DENND5B: variants seen among roughly 807,000 people sequenced by gnomAD.
DENND5B encodes DENN domain containing 5B, also known as DENN domain-containing protein 5B.
In DENND5B, 34 loss-of-function variants were observed where a neutral mutation model predicts 140.6. The ratio of observed to expected loss-of-function variants is 0.24; its 90% CI spans 0.18 to 0.32. The LOEUF (loss-of-function observed/expected upper bound fraction) is 0.32, where lower values mean the gene tolerates loss of function less well. Among genes scored for constraint, DENND5B ranks in the 10% least tolerant of loss-of-function variants. The probability of loss-of-function intolerance (pLI) is 1.00; values close to 1 mark genes in which losing one functional copy is unlikely to be tolerated. For synonymous variants in DENND5B, 551 were observed against 562.1 expected, an observed-to-expected ratio of 0.98 and a Z score of 0.28; for missense variants, 1,142 against 1,560.2, an observed-to-expected ratio of 0.73 and a Z score of 4.52.
intron 2 of DENND5B, among the ~76,000 whole-genome samples, chr12:31,480,850 C>T (rs1271048926): frequency 6.6e-6 from 1 of 152,056 alleles, no homozygotes; most frequent in Non-Finnish European, 1.5e-5. Flanking sequence ...GCTTTTTGAT[C>T]TACTAAAGCA....
Position 31,517,246 on chromosome 12 carries a change from T to C in DENND5B, c.128-21327A>G, listed in dbSNP as rs542050854. Among the ~76,000 whole-genome samples the C allele has an allele frequency of 5.3e-5, 8 of 152,342 alleles. No homozygotes were observed. The South Asian group carries it at 1.7e-3, about 32-fold the overall frequency. ...CTACCCCACTACAACCCACGGTGAT[T>C]CCTTTTTTCTCTAAGCCCTACCCAC... On this transcript the variant is annotated intron_variant, in intron 1 of 20. Coordinates refer to ENST00000389082, the MANE Select transcript of DENND5B (RefSeq NM_144973.4).
At chr12:31,520,095 T>C (rs17563276) in intron 1 of DENND5B, among the ~76,000 whole-genome samples, 2,240 of 152,336 alleles carry the variant, frequency 0.015, 30 homozygotes, top group Non-Finnish European at 0.021. Context: ...GTGTTTCAAA[T>C]AAGCTTTTTC....
intron 1 of DENND5B, among the ~76,000 whole-genome samples, chr12:31,527,088 G>A (rs990383700): frequency 2.0e-4 from 30 of 151,874 alleles, no homozygotes; most frequent in African/African-American, 7.2e-4. Context: ...AAGTTACACG[G>A]TATGAGAGAG....
At chr12:31,583,324 A>G (rs1592096569) in intron 1 of DENND5B, among the ~76,000 whole-genome samples, 2 of 138,234 alleles carry the variant, frequency 1.4e-5, no homozygotes, top group Admixed American at 7.4e-5. Flanking sequence ...GAGAGAGAGA[A>G]AAGAATGCCT....
At chr12:31,456,106 G>C (rs1251489724) in intron 4 of DENND5B, among the ~76,000 whole-genome samples, 1 of 152,038 alleles carries the variant, frequency 6.6e-6, no homozygotes, top group Non-Finnish European at 1.5e-5. Flanking sequence ...GAGGTGGGTG[G>C]ATCACTTGAG....
chr12:31,556,429 C>A (rs374429922), intron 1 of DENND5B, among the ~76,000 whole-genome samples: 1 of 152,028 alleles, frequency 6.6e-6, no homozygotes, highest in Admixed American at 6.5e-5. Context: ...CTTGAACTCC[C>A]GACCTCAGCT....
intron 1 of DENND5B, among the ~76,000 whole-genome samples, chr12:31,584,375 T>G (rs145836295): frequency 6.6e-6 from 1 of 152,260 alleles, no homozygotes; most frequent in Non-Finnish European, 1.5e-5. Flanking sequence ...ACAGAGAATT[T>G]AGCTTCACTC....
chr12:31,511,841 T>A (rs577895870), intron 1 of DENND5B, among the ~76,000 whole-genome samples: 2 of 151,580 alleles, frequency 1.3e-5, no homozygotes, highest in Non-Finnish European at 2.9e-5. Context: ...TTGGTAGCTT[T>A]GAAAATGATT....
intron 18 of DENND5B, 70 bp downstream of exon 18, chr12:31,392,544 T>C (rs1941203037): frequency 1.3e-6 from 2 of 1,522,022 alleles, no homozygotes; most frequent in Non-Finnish European, 1.8e-6. Context: ...CACCCCATAT[T>C]GCCTCGTGTA....
chr12:31,475,068 T>C (rs1211983256), intron 3 of DENND5B, among the ~76,000 whole-genome samples: 10 of 152,192 alleles, frequency 6.6e-5, no homozygotes, highest in Non-Finnish European at 2.9e-5. Flanking sequence ...AGCTGTATCA[T>C]CTTGGGCAGA....
chr12:31,416,484 G>T (rs1303781756), intron 11 of DENND5B, among the ~76,000 whole-genome samples: 1 of 151,732 alleles, frequency 6.6e-6, no homozygotes, highest in Non-Finnish European at 1.5e-5. Flanking sequence ...AGCTGGTCTC[G>T]AACTCCTTAA....
chr12:31,426,373 G>A lies in DENND5B; in HGVS notation c.2158C>T (p.Leu720=), dbSNP rs1943235797. The part of the protein sequence containing the change: ...SLGKNLRQPK[L]SDLSPAVIAQ... ...ATAACTGCAGGAGAGAGGTCTGACA[G>A]TTTGGGTTGCCTCAGGTTTTTTCCT... Residue 720 remains leucine, a synonymous_variant, in exon 9 of 21, where the codon CTG becomes TTG. Transcript: ENST00000389082. The A allele has an allele frequency of 1.2e-6, 2 of 1,612,338 alleles. No individual in the cohort carries two copies. Among genetic ancestry groups the A allele is most frequent in the Non-Finnish European group, 1.7e-6 (2 of 1,179,166 alleles).
chr12:31,399,079 G>A (rs1207831440), intron 16 of DENND5B, among the ~76,000 whole-genome samples: 5 of 130,426 alleles, frequency 3.8e-5, no homozygotes, highest in Admixed American at 2.8e-4. Flanking sequence ...CCGAGATTGC[G>A]CCATTGCACT....
At position 31,397,607 on chromosome 12, in the gene DENND5B, T is replaced by C. The variant is rs140156654; in HGVS notation, c.3256+568A>G. The stretch of plus-strand genomic sequence containing the variant: ...ATGGCTATCTGGGAGTACTGTAATA[T>C]ATAACTATTATTATTTCTCTTTTAA... On this transcript the variant is annotated intron_variant, in intron 17 of 20. Transcript: ENST00000389082. 1.0e-4 allele frequency among the ~76,000 whole-genome samples: 14 copies of C among 133,698 alleles called. 1 individual carries two copies. In the East Asian group the frequency reaches 2.2e-3, roughly 21 times the overall value. The allele number at this position is 133,698 out of a possible 152,430, so 87.7% of individuals were successfully genotyped here.
At chr12:31,459,423 G>T (rs1250005849) in intron 4 of DENND5B, among the ~76,000 whole-genome samples, 3 of 152,044 alleles carry the variant, frequency 2.0e-5, no homozygotes, top group Non-Finnish European at 4.4e-5. Flanking sequence ...CCAAGTACCT[G>T]GGACTACAGG....
At chr12:31,428,803 C>A (rs1210792083) in intron 8 of DENND5B, among the ~76,000 whole-genome samples, 1 of 152,140 alleles carries the variant, frequency 6.6e-6, no homozygotes, top group Non-Finnish European at 1.5e-5. Flanking sequence ...GCGATCTCGG[C>A]TCACTGCAAG....
chr12:31,552,843 G>T (rs1949124536), intron 1 of DENND5B, among the ~76,000 whole-genome samples: 1 of 152,180 alleles, frequency 6.6e-6, no homozygotes, highest in Non-Finnish European at 1.5e-5. Flanking sequence ...AGATTTTCTA[G>T]TTTATTTGCG....
chr12:31,421,843 A>G (rs908285499), intron 11 of DENND5B, among the ~76,000 whole-genome samples: 1 of 152,160 alleles, frequency 6.6e-6, no homozygotes, highest in Non-Finnish European at 1.5e-5. Flanking sequence ...TTGAGTCAAC[A>G]TGCCTGGCCT....
rs1323061843 is a variant in DENND5B at position 31,396,066 on chromosome 12, T to TTG, written c.3256+2108_3256+2109insCA. Among the ~76,000 whole-genome samples the TTG allele has an allele frequency of 5.6e-5, 8 of 143,528 alleles. 1 individual carries two copies. Among genetic ancestry groups the TTG allele is most frequent in the Non-Finnish European group, 1.1e-4 (7 of 65,720 alleles). The allele number at this position is 143,528 out of a possible 152,430, so 94.2% of individuals were successfully genotyped here. Reference sequence around the variant, plus strand: ...CTGTTGGCATTCCTTGTTTTTTTTTTTTTTTTTTTTTTGAGACGGAGTCTC... The same window carrying TTG: ...CTGTTGGCATTCCTTGTTTTTTTTTTTGTTTTTTTTTTTTGAGACGGAGTCTC... On this transcript the variant is annotated intron_variant, in intron 17 of 20. Transcript: ENST00000389082.
Sources: gnomAD v4.1 joint callset for allele counts (sites outside exome capture counted in the v4.1 genomes callset) on GRCh38, gnomAD v4.1.1 for gene constraint, MANE v1.5 for transcripts, NCBI Gene and HGNC (gene_info 2026-07-23, HGNC 2026-07-21) for gene names.